The following CACNG3 variants were observed in gnomAD, a reference collection of about 807,000 sequenced individuals.
The protein encoded by CACNG3 is voltage-dependent calcium channel gamma-3 subunit.
Under a neutral mutation model 28.5 loss-of-function variants are expected in CACNG3, and 3 were observed. The ratio of observed to expected loss-of-function variants is 0.11; its 90% CI spans 0.05 to 0.27. The LOEUF (loss-of-function observed/expected upper bound fraction) is 0.27, where lower values mean the gene tolerates loss of function less well. CACNG3 is among the 10% of genes least tolerant of loss of function. The pLI, the probability that CACNG3 is intolerant of heterozygous loss-of-function variation, is 1.00. For synonymous variants in CACNG3, 174 were observed against 162.2 expected (o/e 1.07, Z -0.55); for missense variants, 236 against 414.4 (o/e 0.57, Z 3.74).
chr16:24,290,207 T>C (rs1898948790), intron 1 of CACNG3, among the ~76,000 whole-genome samples: 1 of 152,250 alleles, frequency 6.6e-6, no homozygotes, highest in Non-Finnish European at 1.5e-5. Context: ...ATATTCATCT[T>C]GTTCCAGAAA....
In CACNG3 at chr16:24,354,985, GC is replaced by G. The variant is rs2141383844; in HGVS notation, c.436+16del. The G allele has an allele frequency of 6.2e-7, 1 of 1,610,054 alleles. No individual in the cohort carries two copies. The highest frequency in any genetic ancestry group is 8.5e-7 in the Non-Finnish European group (1 of 1,178,020). ...TTTTGTCTCTGCAGGTGAGTGTCTGGCCCCAGCCCTGAGATCTTCACAGATA... is the reference window on the plus strand; with the variant it reads ...TTTTGTCTCTGCAGGTGAGTGTCTGGCCCAGCCCTGAGATCTTCACAGATA... On this transcript the variant is annotated intron_variant, in intron 3 of 3. Transcript: ENST00000005284.
At chr16:24,320,519 T>TTC in intron 1 of CACNG3, among the ~76,000 whole-genome samples, 1 of 152,234 alleles carries the variant, frequency 6.6e-6, no homozygotes, top group East Asian at 1.9e-4. Flanking sequence ...GGATAAGGGA[T>TTC]TGTGGACCTT....
At chr16:24,265,069 A>C (rs898844838) in intron 1 of CACNG3, among the ~76,000 whole-genome samples, 6 of 152,080 alleles carry the variant, frequency 3.9e-5, no homozygotes, top group African/African-American at 1.4e-4. Context: ...TGAGACCTCC[A>C]TCTCTACAAA....
Position 24,267,332 on chromosome 16 carries a change from G to T in CACNG3, c.211+10367G>T, listed in dbSNP as rs533029513. ...AGACAGGGTCTTGCTCTATTGCCCA[G>T]GCTGAAGTTCAGTGGTGCAATCAGA... On this transcript the variant is annotated intron_variant, in intron 1 of 3. Coordinates refer to ENST00000005284, the MANE Select transcript of CACNG3 (RefSeq NM_006539.4). Among the ~76,000 whole-genome samples, 6 of 152,186 alleles carry T rather than the reference G, an allele frequency of 3.9e-5. No homozygotes were observed. In the South Asian group the frequency reaches 1.2e-3, roughly 32 times the overall value.
chr16:24,358,165 A>T (rs1004444712), intron 3 of CACNG3, among the ~76,000 whole-genome samples: 1 of 152,186 alleles, frequency 6.6e-6, no homozygotes, highest in Non-Finnish European at 1.5e-5. Context: ...TTAAATCGGT[A>T]AATAAGAGTG....
intron 1 of CACNG3, among the ~76,000 whole-genome samples, chr16:24,323,339 A>G (rs887740681): frequency 6.6e-6 from 1 of 151,908 alleles, no homozygotes; most frequent in Non-Finnish European, 1.5e-5. Flanking sequence ...TGCTGCCTAT[A>G]CTAGACCCTA....
chr16:24,309,048 G>A (rs989313231), intron 1 of CACNG3, among the ~76,000 whole-genome samples: 3 of 152,090 alleles, frequency 2.0e-5, no homozygotes, highest in African/African-American at 4.8e-5. Context: ...AGACACAGAT[G>A]TGTCAAGCAA....
At chr16:24,274,194 A>AC (rs1445404797) in intron 1 of CACNG3, among the ~76,000 whole-genome samples, 1 of 146,984 alleles carries the variant, frequency 6.8e-6, no homozygotes, top group East Asian at 2.2e-4. Context: ...CTCAAAAAAA[A>AC]AAAAAACAAA....
chr16:24,316,874 A>G (rs1161714527), intron 1 of CACNG3, among the ~76,000 whole-genome samples: 3 of 152,258 alleles, frequency 2.0e-5, no homozygotes, highest in Non-Finnish European at 2.9e-5. Context: ...ACCTTTGTTC[A>G]AATTCCAGCC....
chr16:24,268,243 T>C (rs1056744061), intron 1 of CACNG3, among the ~76,000 whole-genome samples: 1 of 152,216 alleles, frequency 6.6e-6, no homozygotes, highest in Non-Finnish European at 1.5e-5. Context: ...TTGAGCCTCA[T>C]GATAGCCCTG....
At chr16:24,291,936 A>G (rs1898973787) in intron 1 of CACNG3, among the ~76,000 whole-genome samples, 1 of 152,116 alleles carries the variant, frequency 6.6e-6, no homozygotes, top group Non-Finnish European at 1.5e-5. Flanking sequence ...GGAAAGGGTT[A>G]AGGAGGATGG....
chr16:24,332,464 C>CAAA (rs397955620), intron 1 of CACNG3, among the ~76,000 whole-genome samples: 51 of 135,472 alleles, frequency 3.8e-4, no homozygotes, highest in African/African-American at 1.3e-3. Flanking sequence ...GACCCTGTCT[C>CAAA]AAAAAAAAAA....
chr16:24,297,210 G>A (rs965279153), intron 1 of CACNG3, among the ~76,000 whole-genome samples: 34 of 149,292 alleles, frequency 2.3e-4, no homozygotes, highest in Non-Finnish European at 4.0e-4. Context: ...ATTGCACCAC[G>A]GCACTCTAGC....
At chr16:24,280,682 G>T (rs1898813117) in intron 1 of CACNG3, among the ~76,000 whole-genome samples, 1 of 151,840 alleles carries the variant, frequency 6.6e-6, no homozygotes, top group Admixed American at 6.6e-5. Flanking sequence ...TGGGCGTGGT[G>T]GTGCATGCCT....
chr16:24,313,073 GAGGA>G (rs71154300), intron 1 of CACNG3, among the ~76,000 whole-genome samples: 2,469 of 137,994 alleles, frequency 0.018, 33 homozygotes, highest in East Asian at 0.055. Flanking sequence ...GCGAGGGAGG[GAGGA>G]AGGAAGGAAG....
Position 24,346,898 on chromosome 16 carries a change from T to C in CACNG3, c.295+81T>C, listed in dbSNP as rs1197492684. ...CACTCAGCTGCCTCTGAGTCGGAGC[T>C]TCCTCAGCATCTGTCCCTAGAAATA... On this transcript the variant is annotated intron_variant, in intron 2 of 3. Coordinates refer to ENST00000005284, the MANE Select transcript of CACNG3 (RefSeq NM_006539.4). 2.9e-6 allele frequency: 3 copies of C among 1,040,462 alleles called. No individual in the cohort carries two copies. In the East Asian group the frequency reaches 7.2e-5, roughly 25 times the overall value. 64.5% of individuals were successfully genotyped at this position (1,040,462 alleles called of 1,614,324 possible).
chr16:24,317,665 A>AAAGAAAG (rs1899394545), intron 1 of CACNG3, among the ~76,000 whole-genome samples: 1 of 95,046 alleles, frequency 1.1e-5, no homozygotes, highest in Non-Finnish European at 2.1e-5. Flanking sequence ...AGAAAGAAAG[A>AAAGAAAG]AAGAAAGAAA....
chr16:24,351,976 C>G (rs1000089204), intron 2 of CACNG3, among the ~76,000 whole-genome samples: 1 of 151,724 alleles, frequency 6.6e-6, no homozygotes, highest in African/African-American at 2.4e-5. Context: ...CCACCACGCC[C>G]GGCTAATTTT....
chr16:24,333,805 G>A (rs1899664969), intron 1 of CACNG3, among the ~76,000 whole-genome samples: 1 of 152,166 alleles, frequency 6.6e-6, no homozygotes, highest in African/African-American at 2.4e-5. Flanking sequence ...TTGTGCCACT[G>A]CACTCCAGTC....
Sources: allele counts gnomAD v4.1 joint callset (sites outside exome capture counted in the v4.1 genomes callset), GRCh38; gene constraint gnomAD v4.1.1; transcripts MANE v1.5; gene names NCBI Gene and HGNC (gene_info 2026-07-23, HGNC 2026-07-21).